The following SEMA3D variants were observed in gnomAD, a reference collection of about 807,000 sequenced individuals.
SEMA3D encodes the protein semaphorin 3D, also known as semaphorin-3D.
SEMA3D carries 84 observed loss-of-function variants against 100.1 expected under a neutral mutation model. The observed-to-expected ratio is 0.84, with a 90% CI of 0.70 to 1.01. The LOEUF (loss-of-function observed/expected upper bound fraction) is 1.01. Among genes scored for constraint, SEMA3D ranks in the 50% least tolerant of loss-of-function variants. The pLI is 0.00. For missense variants in SEMA3D, 875 were observed against 934.1 expected, an observed-to-expected ratio of 0.94 and a Z score of 0.82; for synonymous variants, 312 against 320.7, an observed-to-expected ratio of 0.97 and a Z score of 0.29.
At chr7:85,144,747 G>C (rs1211544904) in intron 2 of SEMA3D, 3 of 775,670 alleles carry the variant, frequency 3.9e-6, no homozygotes, top group Admixed American at 6.2e-5. Flanking sequence ...TGTCTGAATG[G>C]TGTAAAGCAA....
chr7:85,237,383 T>A, the SEMA3D span, among the ~76,000 whole-genome samples: 2 of 152,074 alleles, frequency 1.3e-5, no homozygotes, highest in Middle Eastern at 3.2e-3. Flanking sequence ...TCCTATCCAC[T>A]GCTGTAGTAT....
chr7:85,104,315 A>G (rs145457272), intron 3 of SEMA3D, among the ~76,000 whole-genome samples: 52 of 152,210 alleles, frequency 3.4e-4, no homozygotes, highest in Admixed American at 5.9e-4. Flanking sequence ...GGACAACCAT[A>G]TAACATAGTA....
chr7:85,017,112 T>G (rs1436529619), intron 15 of SEMA3D, among the ~76,000 whole-genome samples: 1 of 151,744 alleles, frequency 6.6e-6, no homozygotes, highest in Non-Finnish European at 1.5e-5. Flanking sequence ...TCTCTCACTC[T>G]TCACACTTTT....
At chr7:85,014,229 A>T (rs1790034889) in intron 16 of SEMA3D, among the ~76,000 whole-genome samples, 1 of 151,802 alleles carries the variant, frequency 6.6e-6, no homozygotes, top group South Asian at 2.1e-4. Context: ...CAGACCTAAA[A>T]ATAAATTTGC....
chr7:85,104,648 C>T (rs144032425), intron 3 of SEMA3D, among the ~76,000 whole-genome samples: 28 of 151,852 alleles, frequency 1.8e-4, no homozygotes, highest in Admixed American at 1.3e-3. Flanking sequence ...TAGGATTAAG[C>T]AACACAGACT....
At chr7:85,139,864 GATAA>G (rs74273116) in intron 2 of SEMA3D, among the ~76,000 whole-genome samples, 78,934 of 151,168 alleles carry the variant, frequency 0.52, 21,066 homozygotes, top group African/African-American at 0.63. Context: ...TTAGACAAAT[GATAA>G]ATACTGTTAT....
chr7:85,133,835 A>G (rs1015792364), intron 2 of SEMA3D, among the ~76,000 whole-genome samples: 6 of 152,034 alleles, frequency 3.9e-5, no homozygotes, highest in Admixed American at 6.6e-5. Flanking sequence ...AGCACTTAGT[A>G]TCTTCTCTGG....
In SEMA3D at chr7:84,999,789, A is replaced by C; in HGVS notation, c.1985T>G (p.Met662Arg). 6.2e-7 allele frequency: 1 copy of C among 1,614,056 alleles called. No homozygotes were observed. Among genetic ancestry groups the C allele is most frequent in the Non-Finnish European group, 8.5e-7 (1 of 1,180,002 alleles). Residue 662 changes from methionine to arginine, a missense_variant, in exon 19 of 19, where the codon ATG becomes AGG. Physicochemically the swap from Met to Arg is moderately conservative, Grantham distance 91 (BLOSUM62 -1). Transcript: ENST00000284136. ...IRSLQKKDSGMYYCKAQEHTF... is the reference protein window; with the variant it reads ...IRSLQKKDSGRYYCKAQEHTF... ...GTGCTCCTGGGCTTTGCAGTAATAC[A>C]TCCCAGAATCCTTCTTCTGCAAACT...
chr7:85,193,696 C>CACA, the SEMA3D span, among the ~76,000 whole-genome samples: 16 of 152,240 alleles, frequency 1.1e-4, no homozygotes, highest in Non-Finnish European at 1.8e-4. Flanking sequence ...ATGAAGTTCA[C>CACA]AGTTCAGGGG....
intron 2 of SEMA3D, chr7:85,144,446 C>G (rs1252730340): frequency 1.0e-6 from 1 of 979,544 alleles, no homozygotes; most frequent in Admixed American, 6.2e-5. Flanking sequence ...ACTTCATCCT[C>G]TTCCCCAGAG....
intron 5 of SEMA3D, among the ~76,000 whole-genome samples, chr7:85,077,589 GA>G (rs1787910638): frequency 6.6e-6 from 1 of 152,012 alleles, no homozygotes; most frequent in Non-Finnish European, 1.5e-5. Context: ...TGAGAGTAAT[GA>G]AAAAATTTCA....
At chr7:85,030,726 G>T (rs75233452) in intron 12 of SEMA3D, among the ~76,000 whole-genome samples, 2,673 of 152,114 alleles carry the variant, frequency 0.018, 83 homozygotes, top group African/African-American at 0.061. Flanking sequence ...TAAAACTGCA[G>T]AGTACATCAG....
intron 6 of SEMA3D, among the ~76,000 whole-genome samples, chr7:85,071,689 C>T (rs1791779009): frequency 1.3e-5 from 2 of 152,166 alleles, no homozygotes; most frequent in Admixed American, 1.3e-4. Flanking sequence ...CAAACATGTA[C>T]AGCTTGTTAC....
At chr7:85,031,743 G>T (rs539005818) in intron 12 of SEMA3D, among the ~76,000 whole-genome samples, 17 of 151,930 alleles carry the variant, frequency 1.1e-4, no homozygotes, top group Non-Finnish European at 2.1e-4. Flanking sequence ...TAAGAATGTA[G>T]TGAGATAACG....
chr7:85,146,567 A>G (rs941731782), intron 2 of SEMA3D, among the ~76,000 whole-genome samples: 3 of 151,378 alleles, frequency 2.0e-5, no homozygotes, highest in African/African-American at 2.4e-5. Context: ...AAAAATATAT[A>G]TATATATTTT....
intron 3 of SEMA3D, among the ~76,000 whole-genome samples, chr7:85,114,310 AAGAGGT>A (rs1239900851): frequency 6.6e-6 from 1 of 152,190 alleles, no homozygotes; most frequent in East Asian, 1.9e-4. Context: ...TTTTATAAAG[AAGAGGT>A]AGATAGGAAA....
chr7:85,063,624 T>A (rs1791535386), intron 8 of SEMA3D, among the ~76,000 whole-genome samples: 1 of 152,164 alleles, frequency 6.6e-6, no homozygotes, highest in Non-Finnish European at 1.5e-5. Context: ...TTCCACTACT[T>A]TTGTTGCTGT....
chr7:85,149,959 G>T (rs1790320002), intron 2 of SEMA3D, among the ~76,000 whole-genome samples: 2 of 151,852 alleles, frequency 1.3e-5, no homozygotes. Flanking sequence ...TACATTCAAG[G>T]GGTCATAGCC....
At chr7:85,059,493 C>A (rs1418454129) in intron 8 of SEMA3D, among the ~76,000 whole-genome samples, 1 of 152,140 alleles carries the variant, frequency 6.6e-6, no homozygotes, top group African/African-American at 2.4e-5. Context: ...TAATGTAGAA[C>A]TTACACATGC....
Sources: gnomAD v4.1 joint callset for allele counts (sites outside exome capture counted in the v4.1 genomes callset) on GRCh38, gnomAD v4.1.1 for gene constraint, MANE v1.5 for transcripts, NCBI Gene and HGNC (gene_info 2026-07-23, HGNC 2026-07-21) for gene names.